Variants in FAM135A observed in about 807,000 individuals in gnomAD.
FAM135A encodes the protein family with sequence similarity 135 member A.
A neutral mutation model predicts 146.8 loss-of-function variants in FAM135A; 79 were observed. That is an observed-to-expected ratio of 0.54 (90% CI 0.45 to 0.65). The LOEUF (loss-of-function observed/expected upper bound fraction) is 0.65, where lower values mean the gene tolerates loss of function less well. Among genes scored for constraint, FAM135A ranks in the 30% least tolerant of loss-of-function variants. The pLI is 0.00. For synonymous variants in FAM135A, 562 were observed against 603.6 expected (o/e 0.93, Z 1.01); for missense variants, 1,623 against 1,758.2 (o/e 0.92, Z 1.38).
intron 5 of FAM135A, among the ~76,000 whole-genome samples, chr6:70,471,007 G>C (rs1045956037): frequency 1.3e-5 from 2 of 152,204 alleles, no homozygotes; most frequent in Non-Finnish European, 2.9e-5. Context: ...TTATGAAATA[G>C]TCATCTAAGA....
chr6:70,437,087 A>G (rs899183174), intron 4 of FAM135A, among the ~76,000 whole-genome samples: 3 of 152,156 alleles, frequency 2.0e-5, no homozygotes, highest in African/African-American at 7.2e-5. Context: ...TATATATAAT[A>G]CTGTGTTTCT....
At position 70,525,924 on chromosome 6, in the gene FAM135A, T is replaced by G. The variant is rs1181504026; in HGVS notation, c.2840T>G (p.Met947Arg). 1 of 1,613,364 alleles carries G rather than the reference T, an allele frequency of 6.2e-7. No homozygotes were observed. The highest frequency in any genetic ancestry group is 1.7e-5 in the Admixed American group (1 of 59,946). ...AGCTCCAAACCTAACTTGGATACTA[T>G]GTGTAAAGGCTTCCAGAGTCCTGAT... ...SCSSKPNLDT[M>R]CKGFQSPDKS... Residue 947 changes from methionine (M) to arginine (R), a missense_variant, in exon 15 of 22, where the codon ATG becomes AGG. Met to Arg is a moderately conservative substitution (Grantham distance 91, BLOSUM62 -1). Transcript: ENST00000418814.
intron 5 of FAM135A, among the ~76,000 whole-genome samples, chr6:70,453,194 A>G (rs183544146): frequency 6.5e-4 from 99 of 152,306 alleles, no homozygotes; most frequent in Middle Eastern, 3.4e-3. Context: ...TGAACCAGTT[A>G]ATGAAACATT....
At chr6:70,447,259 A>G (rs1008247534) in intron 4 of FAM135A, among the ~76,000 whole-genome samples, 3 of 152,014 alleles carry the variant, frequency 2.0e-5, no homozygotes, top group Non-Finnish European at 4.4e-5. Context: ...GTGCTTCCAA[A>G]TCCTCCTGTT....
Position 70,525,673 on chromosome 6 carries a change from C to T in FAM135A, c.2589C>T (p.Cys863=), listed in dbSNP as rs1794553864. ...ENSKKSVVPE[C]HLNDSKTVLN... ...CTAAGAAATCTGTTGTACCTGAATG[C>T]CATCTAAATGATAGCAAAACTGTAT... The change falls in exon 15 of 22, where the codon TGC becomes TGT. Residue 863 remains cysteine, a synonymous_variant. Coordinates refer to ENST00000418814, the MANE Select transcript of FAM135A (RefSeq NM_001162529.3). The T allele has an allele frequency of 1.9e-6, 3 of 1,612,214 alleles. No individual in the cohort carries two copies. The East Asian group carries it at 6.7e-5, about 36-fold the overall frequency.
chr6:70,435,107 ATAT>A (rs1363912301), intron 4 of FAM135A, among the ~76,000 whole-genome samples: 128 of 66,696 alleles, frequency 1.9e-3, no homozygotes, highest in Admixed American at 3.1e-3. Context: ...ATATATATAT[ATAT>A]TTTTTTTTTT....
chr6:70,514,752 C>T (rs1327178267), intron 12 of FAM135A, among the ~76,000 whole-genome samples: 1 of 152,172 alleles, frequency 6.6e-6, no homozygotes, highest in East Asian at 1.9e-4. Context: ...TTAAAAACTC[C>T]TGGCAGGGGT....
intron 7 of FAM135A, among the ~76,000 whole-genome samples, chr6:70,476,117 G>A (rs1782592225): frequency 6.6e-6 from 1 of 152,142 alleles, no homozygotes; most frequent in South Asian, 2.1e-4. Context: ...TATTCTGAGA[G>A]TTATCAAGAC....
chr6:70,427,195 C>T (rs1416422671), intron 3 of FAM135A, among the ~76,000 whole-genome samples: 1 of 151,950 alleles, frequency 6.6e-6, no homozygotes, highest in Non-Finnish European at 1.5e-5. Context: ...AGTCACCCAA[C>T]AATAGGGGAT....
chr6:70,502,778 A>T lies in FAM135A; in HGVS notation c.1016A>T (p.His339Leu). The change falls in exon 12 of 22, where the codon CAC (histidine) becomes CTC (leucine). Residue 339 changes from histidine (H) to leucine (L), a missense_variant. Transcript: ENST00000418814. Reference protein sequence around the residue: ...EELRILLAQEHHTLRVRRFSE... With the variant: ...EELRILLAQELHTLRVRRFSE... ...CTAAGAATATTATTAGCACAAGAGC[A>T]CCATACTTTGAGGGTAAGTTAAAGA... is the stretch of plus-strand genomic sequence containing the variant. 1 of 1,610,076 alleles carries T rather than the reference A, an allele frequency of 6.2e-7. No homozygotes were observed.
At chr6:70,430,733 T>C (rs769920286) in intron 4 of FAM135A, among the ~76,000 whole-genome samples, 16 of 152,238 alleles carry the variant, frequency 1.1e-4, no homozygotes, top group Non-Finnish European at 2.2e-4. Flanking sequence ...AGCTACATCC[T>C]TGAGTTGATC....
chr6:70,535,280 T>C (rs545959819), intron 18 of FAM135A, among the ~76,000 whole-genome samples: 1 of 152,286 alleles, frequency 6.6e-6, no homozygotes, highest in South Asian at 2.1e-4. Context: ...CACTGCTAAT[T>C]GTCCCCAGGG....
At chr6:70,497,230 G>T (rs1787491704) in intron 11 of FAM135A, among the ~76,000 whole-genome samples, 1 of 152,032 alleles carries the variant, frequency 6.6e-6, no homozygotes, top group South Asian at 2.1e-4. Flanking sequence ...CTTGCAATTT[G>T]GATTCCTAGG....
chr6:70,495,306 T>C (rs1349690626), intron 11 of FAM135A, among the ~76,000 whole-genome samples: 1 of 152,216 alleles, frequency 6.6e-6, no homozygotes, highest in Non-Finnish European at 1.5e-5. Context: ...GAAGGTTTTT[T>C]TCTTATCTGA....
intron 5 of FAM135A, among the ~76,000 whole-genome samples, chr6:70,474,869 A>G (rs1475815812): frequency 1.3e-5 from 2 of 152,178 alleles, no homozygotes; most frequent in Non-Finnish European, 2.9e-5. Flanking sequence ...TTGAGGTTAT[A>G]TCACTAGGCT....
At chr6:70,441,949 C>T (rs899815155) in intron 4 of FAM135A, among the ~76,000 whole-genome samples, 1 of 152,164 alleles carries the variant, frequency 6.6e-6, no homozygotes. Context: ...TCCCAAAGTG[C>T]TGGGATTACA....
chr6:70,460,025 G>T (rs926378100), intron 5 of FAM135A, among the ~76,000 whole-genome samples: 1 of 152,140 alleles, frequency 6.6e-6, no homozygotes, highest in Non-Finnish European at 1.5e-5. Flanking sequence ...GTGAGACTCC[G>T]TCTCAACAAC....
chr6:70,529,634 G>A (rs1478053717), intron 16 of FAM135A, among the ~76,000 whole-genome samples: 1 of 151,934 alleles, frequency 6.6e-6, no homozygotes, highest in Non-Finnish European at 1.5e-5. Flanking sequence ...TACATAAATT[G>A]TTCTAGAACA....
intron 4 of FAM135A, among the ~76,000 whole-genome samples, chr6:70,433,261 A>G (rs1772125713): frequency 6.6e-6 from 1 of 152,066 alleles, no homozygotes; most frequent in Non-Finnish European, 1.5e-5. Flanking sequence ...TTTTTATTAA[A>G]GACGAGGTTT....
Sources: allele counts gnomAD v4.1 joint callset (sites outside exome capture counted in the v4.1 genomes callset), GRCh38; gene constraint gnomAD v4.1.1; transcripts MANE v1.5; gene names NCBI Gene and HGNC (gene_info 2026-07-23, HGNC 2026-07-21).